The following PDPK1 variants were observed in gnomAD, a reference collection of about 807,000 sequenced individuals.
PDPK1 encodes the protein 3-phosphoinositide dependent protein kinase 1, also known as 3-phosphoinositide-dependent protein kinase 1.
A neutral mutation model predicts 39.8 loss-of-function variants in PDPK1; 7 were observed. The ratio of observed to expected loss-of-function variants is 0.18; its 90% CI spans 0.10 to 0.33. PDPK1 has a LOEUF of 0.33. PDPK1 is among the 10% of genes least tolerant of loss of function. The pLI is 1.00. For missense variants in PDPK1, 182 were observed against 384.7 expected, an observed-to-expected ratio of 0.47 and a Z score of 4.41; for synonymous variants, 118 against 159.1, an observed-to-expected ratio of 0.74 and a Z score of 1.95.
At chr16:2,590,165 G>C (rs1408956602) in intron 11 of PDPK1, among the ~76,000 whole-genome samples, 2 of 152,082 alleles carry the variant, frequency 1.3e-5, no homozygotes, top group African/African-American at 2.4e-5. Context: ...CTGTCGCCCA[G>C]GCTGGAGTGC....
At chr16:2,596,346 C>G (rs972124352) in intron 12 of PDPK1, among the ~76,000 whole-genome samples, 2 of 152,200 alleles carry the variant, frequency 1.3e-5, no homozygotes, top group Non-Finnish European at 2.9e-5. Flanking sequence ...CGCCCGCCAC[C>G]ATGCCCGGCT....
At position 2,586,825 on chromosome 16, in the gene PDPK1, A is replaced by G; in HGVS notation, c.1275A>G (p.Glu425=). The change falls in exon 11 of 14, where the codon GAA becomes GAG. Residue 425 remains glutamate (E), a synonymous_variant. Coordinates refer to ENST00000342085, the MANE Select transcript of PDPK1 (RefSeq NM_002613.5). ...ACGATCTGGACTCGAACTCCTTTGA[A>G]CTGGACTTACAGTTTTCCGAAGATG... ...YIHDLDSNSF[E]LDLQFSEDEK... 1 of 1,614,258 alleles carries G rather than the reference A, an allele frequency of 6.2e-7. No individual in the cohort carries two copies. Among genetic ancestry groups the G allele is most frequent in the East Asian group, 2.2e-5 (1 of 44,890 alleles).
At chr16:2,546,181 T>C (rs2066342078) in intron 1 of PDPK1, among the ~76,000 whole-genome samples, 1 of 151,596 alleles carries the variant, frequency 6.6e-6, no homozygotes, top group South Asian at 2.1e-4. Context: ...CCACCCGGGT[T>C]CAAGCGATTC....
In PDPK1 at chr16:2,595,806, G is replaced by A; in HGVS notation, c.1357G>A (p.Glu453Lys). The change falls in exon 12 of 14, where the codon GAA (glutamate) becomes AAA (lysine). Residue 453 changes from glutamate to lysine, a missense_variant. By Grantham distance (56) the Glu-to-Lys change is moderately conservative (BLOSUM62 1). Transcript: ENST00000342085. The part of the protein sequence containing the change: ...AGGNPWHQFV[E>K]NNLILKMGPV... ...TTCTTTCCACAGGCACCAGTTTGTA[G>A]AAAATAATTTAATACTAAAGATGGG... 6.2e-7 allele frequency: 1 copy of A among 1,613,350 alleles called. No homozygotes were observed. The highest frequency in any genetic ancestry group is 1.1e-5 in the South Asian group (1 of 91,062).
At chr16:2,595,483 C>G (rs368113205) in intron 11 of PDPK1, among the ~76,000 whole-genome samples, 1 of 152,222 alleles carries the variant, frequency 6.6e-6, no homozygotes, top group African/African-American at 2.4e-5. Context: ...ACCTGTGTCA[C>G]CTGCCCGTTT....
intron 1 of PDPK1, 104 bp downstream of exon 1, chr16:2,538,240 G>C (rs1239231812): frequency 1.9e-6 from 1 of 518,672 alleles, no homozygotes; most frequent in Admixed American, 6.0e-5. Context: ...CCGAGGGCCG[G>C]GTGCCTCCTT....
chr16:2,591,109 T>G (rs1020478752), intron 11 of PDPK1, among the ~76,000 whole-genome samples: 3 of 152,244 alleles, frequency 2.0e-5, no homozygotes, highest in African/African-American at 7.2e-5. Flanking sequence ...ATTACAGGCG[T>G]GTACCACCAC....
At chr16:2,592,821 C>T (rs72768734) in intron 11 of PDPK1, 12,116 of 456,426 alleles carry the variant, frequency 0.027, 270 homozygotes, top group South Asian at 0.038. Context: ...TCCATGCACC[C>T]TGGGCCACCG....
intron 11 of PDPK1, among the ~76,000 whole-genome samples, chr16:2,588,653 T>G (rs182141103): frequency 6.6e-6 from 1 of 152,276 alleles, no homozygotes; most frequent in African/African-American, 2.4e-5. Context: ...CTCTTTCCCC[T>G]TCCCACTTCC....
At position 2,586,741 on chromosome 16, in the gene PDPK1, G is replaced by A. The variant is rs748599366; in HGVS notation, c.1191G>A (p.Leu397=). ...CTTCGTCCTCCTCCTCACACTCCCT[G>A]TCAGCCTCCGACACGGGCCTGCCCC... ...QVSSSSSSHS[L]SASDTGLPQR... is the part of the protein sequence containing the mutation. Residue 397 remains leucine, a synonymous_variant, in exon 11 of 14, where the codon CTG becomes CTA. Coordinates refer to ENST00000342085, the MANE Select transcript of PDPK1 (RefSeq NM_002613.5). 4.3e-6 allele frequency: 7 copies of A among 1,614,234 alleles called. No individual in the cohort carries two copies. The East Asian group carries it at 1.6e-4, about 36-fold the overall frequency.
Position 2,586,953 on chromosome 16 carries a change from G to C in PDPK1, c.1343+60G>C, listed in dbSNP as rs1047275635. The C allele has an allele frequency of 5.5e-6, 8 of 1,444,260 alleles. No individual in the cohort carries two copies. The African/African-American group carries it at 9.8e-5, about 18-fold the overall frequency. 89.5% of individuals were successfully genotyped at this position (1,444,260 alleles called of 1,614,324 possible). A position where few individuals can be genotyped will look rare whatever the true frequency, so the allele number is the denominator to read the frequency against. ...AGAATTGCAGCGTGAACACGTGGGG[G>C]CTTATGGTGGGTGCCTTTGCCTTGT... On this transcript the variant is annotated intron_variant, in intron 11 of 13. Coordinates refer to ENST00000342085, the MANE Select transcript of PDPK1 (RefSeq NM_002613.5).
At position 2,602,947 on chromosome 16, in the gene PDPK1, C is replaced by T. The variant is rs1006097939; in HGVS notation, c.*5180C>T. On this transcript the variant is annotated 3_prime_UTR_variant, in exon 14 of 14. Coordinates refer to ENST00000342085, the MANE Select transcript of PDPK1 (RefSeq NM_002613.5). The stretch of plus-strand genomic sequence containing the variant: ...TGAATTGAATTCATGTTCGGGGCCA[C>T]GTTGTTGTATGTATTGATGTACAGC... 5.6e-5 allele frequency: 13 copies of T among 231,840 alleles called. No individual in the cohort carries two copies. The highest frequency in any genetic ancestry group is 1.1e-4 in the African/African-American group (5 of 45,218). The allele number at this position is 231,840 out of a possible 1,614,324, so 14.4% of individuals were successfully genotyped here.
rs1450285452 is a variant in PDPK1 at position 2,602,994 on chromosome 16, T to C, written c.*5227T>C. On this transcript the variant is annotated 3_prime_UTR_variant, in exon 14 of 14. Coordinates refer to ENST00000342085, the MANE Select transcript of PDPK1 (RefSeq NM_002613.5). ...CAGCCTTGAATGTGAATAATTATTGTAAACTATATTTTACAACTTTTTTTC... is the reference window on the plus strand; with the variant it reads ...CAGCCTTGAATGTGAATAATTATTGCAAACTATATTTTACAACTTTTTTTC... 1 of 230,334 alleles carries C rather than the reference T, an allele frequency of 4.3e-6. No homozygotes were observed. The highest frequency in any genetic ancestry group is 2.2e-5 in the African/African-American group (1 of 45,176). The allele number at this position is 230,334 out of a possible 1,614,324, so 14.3% of individuals were successfully genotyped here. A position where few individuals can be genotyped will look rare whatever the true frequency, so the allele number is the denominator to read the frequency against.
Position 2,601,487 on chromosome 16 carries a change from C to G in PDPK1, c.*3720C>G. 4.3e-6 allele frequency: 1 copy of G among 234,534 alleles called. No homozygotes were observed. Among genetic ancestry groups the G allele is most frequent in the African/African-American group, 2.2e-5 (1 of 45,432 alleles). 14.5% of individuals were successfully genotyped at this position (234,534 alleles called of 1,614,324 possible). A position where few individuals can be genotyped will look rare whatever the true frequency, so the allele number is the denominator to read the frequency against. ...CTTGGCAGAATCTTGTACTTCGTGT[C>G]CACAATGGTACTGAATTTGCATCTG... On this transcript the variant is annotated 3_prime_UTR_variant, in exon 14 of 14. Transcript: ENST00000342085.
chr16:2,579,369 A>T (rs1384654738), intron 7 of PDPK1: 1 of 86,292 alleles, frequency 1.2e-5, no homozygotes, highest in South Asian at 4.3e-4. Flanking sequence ...TCGTTTGTAG[A>T]TTTTACTTTC....
chr16:2,586,628 T>C (rs1302800810), intron 10 of PDPK1, 48 bp from the exon 11 acceptor site: 2 of 1,550,872 alleles, frequency 1.3e-6, no homozygotes, highest in Non-Finnish European at 8.9e-7. Context: ...TTTTAGGACC[T>C]TAGAGGCAAG....
intron 11 of PDPK1, chr16:2,592,441 T>G: frequency 3.7e-6 from 1 of 270,486 alleles, no homozygotes. Context: ...GGGCAGGGGA[T>G]TTTCTGCAGG....
chr16:2,551,706 A>G lies in PDPK1; in HGVS notation c.25-5997A>G, dbSNP rs534988029. 5.0e-3 allele frequency among the ~76,000 whole-genome samples: 368 copies of G among 73,518 alleles called. 4 individuals carry two copies. The highest frequency in any genetic ancestry group is 8.9e-3 in the Non-Finnish European group (303 of 34,006). The allele number at this position is 73,518 out of a possible 152,430, so 48.2% of individuals were successfully genotyped here. A position where few individuals can be genotyped will look rare whatever the true frequency, so the allele number is the denominator to read the frequency against. On this transcript the variant is annotated intron_variant, in intron 1 of 13. Transcript: ENST00000342085. ...TTTTAGACGGAGTTTCGCTTTTTTTACCCAGGCTGGAATGCGGTGACGCAA... is the reference window on the plus strand; with the variant it reads ...TTTTAGACGGAGTTTCGCTTTTTTTGCCCAGGCTGGAATGCGGTGACGCAA...
At position 2,597,097 on chromosome 16, in the gene PDPK1, C is replaced by T; in HGVS notation, c.1402-26C>T. On this transcript the variant is annotated intron_variant, in intron 12 of 13. Transcript: ENST00000342085. This position sits in a 1 kb window ranked among gnomAD's most constrained non-coding sequence, Gnocchi z 6.3. ...ATGCCGTCAGCACTGGCCTCTGAGG[C>T]CTGTTGTTTTGTGTTTTGGCGTCAG... The T allele has an allele frequency of 6.5e-7, 1 of 1,534,790 alleles. No individual in the cohort carries two copies. The highest frequency in any genetic ancestry group is 1.3e-5 in the South Asian group (1 of 78,510).
Sources: gnomAD v4.1 joint callset for allele counts (sites outside exome capture counted in the v4.1 genomes callset) on GRCh38, gnomAD v4.1.1 for gene constraint, Gnocchi (gnomAD v3.1) non-coding constraint, MANE v1.5 for transcripts, NCBI Gene and HGNC (gene_info 2026-07-23, HGNC 2026-07-21) for gene names.